CAPZA1: variants seen among roughly 807,000 people sequenced by gnomAD.
CAPZA1 encodes capping actin protein of muscle Z-line subunit alpha 1, also known as F-actin-capping protein subunit alpha-1.
In CAPZA1, 10 loss-of-function variants were observed where a neutral mutation model predicts 40.8. The observed-to-expected ratio is 0.25, with a 90% confidence interval of 0.15 to 0.42. The LOEUF is 0.42. CAPZA1 is among the 10% of genes least tolerant of loss of function. The probability of loss-of-function intolerance (pLI) is 1.00; values close to 1 mark genes in which losing one functional copy is unlikely to be tolerated. For synonymous variants in CAPZA1, 98 were observed against 115.0 expected (o/e 0.85, Z 0.95); for missense variants, 277 against 353.8 (o/e 0.78, Z 1.74).
At chr1:112,644,834 T>C (rs1671251788) in intron 1 of CAPZA1, among the ~76,000 whole-genome samples, 1 of 152,224 alleles carries the variant, frequency 6.6e-6, no homozygotes, top group Non-Finnish European at 1.5e-5. Context: ...CAAATATCTA[T>C]ATATTGGTAT....
chr1:112,644,545 T>C (rs1355909733), intron 1 of CAPZA1, among the ~76,000 whole-genome samples: 2 of 152,092 alleles, frequency 1.3e-5, no homozygotes, highest in East Asian at 3.9e-4. Context: ...TGCTGAAGAA[T>C]AGTTTGATGG....
intron 1 of CAPZA1, among the ~76,000 whole-genome samples, chr1:112,624,640 A>G (rs1670770831): frequency 7.1e-6 from 1 of 141,518 alleles, no homozygotes; most frequent in Admixed American, 7.1e-5. Flanking sequence ...AAGAGGTATT[A>G]TGATGTAATG....
intron 3 of CAPZA1, among the ~76,000 whole-genome samples, chr1:112,652,738 A>G (rs143679256): frequency 1.2e-4 from 18 of 151,808 alleles, no homozygotes; most frequent in African/African-American, 4.1e-4. Flanking sequence ...AAAATTGGGA[A>G]TTCTGTGAGA....
chr1:112,647,415 T>C, intron 2 of CAPZA1, 142 bp downstream of exon 2: 1 of 442,826 alleles, frequency 2.3e-6, no homozygotes, highest in Non-Finnish European at 3.9e-6. Context: ...TTGTCCAAGG[T>C]CCCCCAGTTA....
chr1:112,661,518 G>A (rs1285363484), intron 7 of CAPZA1, among the ~76,000 whole-genome samples: 1 of 152,118 alleles, frequency 6.6e-6, no homozygotes, highest in Non-Finnish European at 1.5e-5. Flanking sequence ...TCTAATCTTT[G>A]TCTTGGGGTC....
Position 112,649,347 on chromosome 1 carries a change from T to C in CAPZA1, c.104-71T>C, listed in dbSNP as rs1255314323. 7.1e-6 allele frequency: 8 copies of C among 1,133,276 alleles called. No individual in the cohort carries two copies. In the African/African-American group the frequency reaches 1.2e-4, roughly 18 times the overall value. The allele number at this position is 1,133,276 out of a possible 1,614,324, so 70.2% of individuals were successfully genotyped here. A position where few individuals can be genotyped will look rare whatever the true frequency, so the allele number is the denominator to read the frequency against. On this transcript the variant is annotated intron_variant, in intron 2 of 9. Transcript: ENST00000263168. ...TTTACAAAGCCTGACATTTAAAAAT[T>C]CAATCTAGAAATCTGCTAAAATTTC...
At chr1:112,649,129 C>T (rs912279140) in intron 2 of CAPZA1, among the ~76,000 whole-genome samples, 3 of 152,176 alleles carry the variant, frequency 2.0e-5, no homozygotes, top group African/African-American at 7.2e-5. Flanking sequence ...AATCTATGCT[C>T]ATATTAAAGG....
chr1:112,627,509 G>A (rs1441873875), intron 1 of CAPZA1, among the ~76,000 whole-genome samples: 2 of 151,722 alleles, frequency 1.3e-5, no homozygotes, highest in Admixed American at 6.6e-5. Context: ...GCCCAGCATA[G>A]TGGCACACGC....
At chr1:112,653,734 G>A in intron 4 of CAPZA1, 73 bp downstream of exon 4, 1 of 983,520 alleles carries the variant, frequency 1.0e-6, no homozygotes, top group Non-Finnish European at 1.6e-6. Flanking sequence ...CAAAGCAGAT[G>A]TCTGAACCAG....
chr1:112,622,497 ATTAC>A (rs1670695916), intron 1 of CAPZA1, among the ~76,000 whole-genome samples: 1 of 152,136 alleles, frequency 6.6e-6, no homozygotes, highest in Admixed American at 6.6e-5. Flanking sequence ...TATGAGATGA[ATTAC>A]TTCTTTGGGT....
At position 112,671,369 on chromosome 1, in the gene CAPZA1, C is replaced by G. The variant is rs865859799; in HGVS notation, c.*1237C>G. The G allele has an allele frequency of 6.6e-6, 1 of 152,478 alleles. No individual in the cohort carries two copies. Among genetic ancestry groups the G allele is most frequent in the South Asian group, 2.1e-4 (1 of 4,822 alleles). 9.4% of individuals were successfully genotyped at this position (152,478 alleles called of 1,614,324 possible). A position where few individuals can be genotyped will look rare whatever the true frequency, so the allele number is the denominator to read the frequency against. ...AGGGAAGGTCAGTTTTTTAAAAAACCAAGTAGTGTCTTCCTACCTATCTCC... is the reference window on the plus strand; with the variant it reads ...AGGGAAGGTCAGTTTTTTAAAAAACGAAGTAGTGTCTTCCTACCTATCTCC... On this transcript the variant is annotated 3_prime_UTR_variant, in exon 10 of 10. Coordinates refer to ENST00000263168, the MANE Select transcript of CAPZA1 (RefSeq NM_006135.3).
At chr1:112,629,656 G>T (rs78610603) in intron 1 of CAPZA1, among the ~76,000 whole-genome samples, 2,837 of 152,260 alleles carry the variant, frequency 0.019, 32 homozygotes, top group Middle Eastern at 0.051. Flanking sequence ...TTTTATTAAT[G>T]GAGCTTTGTC....
intron 7 of CAPZA1, among the ~76,000 whole-genome samples, chr1:112,664,921 A>G (rs1189284156): frequency 2.0e-5 from 3 of 152,114 alleles, no homozygotes. Flanking sequence ...GGCGACAAGA[A>G]CAAGACTCTG....
chr1:112,656,736 A>AT (rs1188161301), intron 5 of CAPZA1, among the ~76,000 whole-genome samples: 2 of 152,042 alleles, frequency 1.3e-5, no homozygotes, highest in African/African-American at 4.8e-5. Flanking sequence ...TCTGCTGTAT[A>AT]TAAGTATCCT....
At chr1:112,635,906 G>C (rs1671007298) in intron 1 of CAPZA1, among the ~76,000 whole-genome samples, 1 of 152,184 alleles carries the variant, frequency 6.6e-6, no homozygotes, top group Admixed American at 6.5e-5. Context: ...GCAGGCGCCT[G>C]TAGTCCCAGC....
At chr1:112,637,690 C>T (rs1242841125) in intron 1 of CAPZA1, among the ~76,000 whole-genome samples, 3 of 152,156 alleles carry the variant, frequency 2.0e-5, no homozygotes, top group African/African-American at 7.2e-5. Flanking sequence ...TGAGCTCAAG[C>T]GTTTCTCCAG....
intron 1 of CAPZA1, among the ~76,000 whole-genome samples, chr1:112,635,591 A>C (rs1670998058): frequency 6.7e-6 from 1 of 150,138 alleles, no homozygotes; most frequent in Non-Finnish European, 1.5e-5. Flanking sequence ...CTGGGATTAC[A>C]ACACCCAGCT....
In CAPZA1 at chr1:112,669,978, A is replaced by G; in HGVS notation, c.721-14A>G. On this transcript the variant is annotated splice_polypyrimidine_tract_variant and intron_variant, in intron 9 of 9. Coordinates refer to ENST00000263168, the MANE Select transcript of CAPZA1 (RefSeq NM_006135.3). ...TTTCTGTTCAAGCAACTCATCTTCAATTATCTATTGCAGACAGCAATTAGT... is the reference window on the plus strand; with the variant it reads ...TTTCTGTTCAAGCAACTCATCTTCAGTTATCTATTGCAGACAGCAATTAGT... 6 of 1,613,546 alleles carry G rather than the reference A, an allele frequency of 3.7e-6. No individual in the cohort carries two copies. The highest frequency in any genetic ancestry group is 5.1e-6 in the Non-Finnish European group (6 of 1,179,674).
At chr1:112,637,018 C>T (rs1671033206) in intron 1 of CAPZA1, among the ~76,000 whole-genome samples, 1 of 152,198 alleles carries the variant, frequency 6.6e-6, no homozygotes, top group Admixed American at 6.5e-5. Flanking sequence ...TTAAAACAGT[C>T]TAAAAGGACA....
Sources: allele counts gnomAD v4.1 joint callset (sites outside exome capture counted in the v4.1 genomes callset), GRCh38; gene constraint gnomAD v4.1.1; transcripts MANE v1.5; gene names NCBI Gene and HGNC (gene_info 2026-07-23, HGNC 2026-07-21).